The following ADARB2 variants were observed in gnomAD, a reference collection of about 807,000 sequenced individuals.
ADARB2 encodes the protein inactive double-stranded RNA-specific editase B2.
A neutral mutation model predicts 62.2 loss-of-function variants in ADARB2; 25 were observed. The observed-to-expected ratio is 0.40, with a 90% CI of 0.29 to 0.56. The LOEUF is 0.56. Among genes scored for constraint, ADARB2 ranks in the 20% least tolerant of loss-of-function variants. The pLI, the probability that ADARB2 is intolerant of heterozygous loss-of-function variation, is 0.43. For synonymous variants in ADARB2, 572 were observed against 500.8 expected, an observed-to-expected ratio of 1.14 and a Z score of -1.90; for missense variants, 1,071 against 1,077.4, an observed-to-expected ratio of 0.99 and a Z score of 0.08.
chr10:1,654,764 C>T lies in ADARB2; in HGVS notation c.100+82287G>A, dbSNP rs1030970931. On this transcript the variant is annotated intron_variant, in intron 1 of 9. Coordinates refer to ENST00000381312, the MANE Select transcript of ADARB2 (RefSeq NM_018702.4). ...TGGCAGCAATGTCGCCTCTCCCTGA[C>T]GACTCTACCAGGTTGGCCCTGCATG... Among the ~76,000 whole-genome samples the T allele has an allele frequency of 1.1e-4, 17 of 152,362 alleles. No homozygotes were observed. The South Asian group carries it at 1.2e-3, about 11-fold the overall frequency.
intron 1 of ADARB2, among the ~76,000 whole-genome samples, chr10:1,683,884 C>T (rs562002721): frequency 1.3e-5 from 2 of 152,318 alleles, no homozygotes; most frequent in East Asian, 1.9e-4. Context: ...ACTCTGTAAA[C>T]GGAGCCTCCC....
chr10:1,375,888 C>T (rs748838649), intron 2 of ADARB2, among the ~76,000 whole-genome samples: 2 of 151,546 alleles, frequency 1.3e-5, no homozygotes, highest in Non-Finnish European at 2.9e-5. Flanking sequence ...TGAACTCCCA[C>T]ACCACACACG....
At chr10:1,525,713 G>C (rs1287092451) in intron 1 of ADARB2, among the ~76,000 whole-genome samples, 2 of 152,206 alleles carry the variant, frequency 1.3e-5, no homozygotes, top group African/African-American at 4.8e-5. Context: ...GAGGCAGCTG[G>C]CCTGAACATG....
At chr10:1,205,432 C>T (rs982061050) in intron 7 of ADARB2, among the ~76,000 whole-genome samples, 2 of 150,926 alleles carry the variant, frequency 1.3e-5, no homozygotes, top group Non-Finnish European at 3.0e-5. Flanking sequence ...GCCCGTGGCA[C>T]AGCCTGAGGG....
chr10:1,407,643 T>G (rs1186289855), intron 1 of ADARB2, among the ~76,000 whole-genome samples: 1 of 152,190 alleles, frequency 6.6e-6, no homozygotes, highest in South Asian at 2.1e-4. Flanking sequence ...AGCCCAGCAC[T>G]GGCAGAGACG....
chr10:1,423,403 C>A (rs183780171), intron 1 of ADARB2, among the ~76,000 whole-genome samples: 2 of 152,202 alleles, frequency 1.3e-5, no homozygotes, highest in Non-Finnish European at 2.9e-5. Context: ...CCTGAGCACC[C>A]GGCCTTGAGC....
chr10:1,558,898 T>C, intron 1 of ADARB2, among the ~76,000 whole-genome samples: 1 of 152,188 alleles, frequency 6.6e-6, no homozygotes, highest in Non-Finnish European at 1.5e-5. Flanking sequence ...TGTGTTTCTG[T>C]TTTATGCGTG....
chr10:1,724,881 C>T (rs904393198), intron 1 of ADARB2, among the ~76,000 whole-genome samples: 4 of 152,198 alleles, frequency 2.6e-5, no homozygotes, highest in African/African-American at 7.2e-5. Flanking sequence ...GCTCTAACCT[C>T]TCCACGCCAA....
chr10:1,421,570 T>G (rs1198294338), intron 1 of ADARB2, among the ~76,000 whole-genome samples: 1 of 152,166 alleles, frequency 6.6e-6, no homozygotes, highest in Non-Finnish European at 1.5e-5. Flanking sequence ...TCCTGGGCCC[T>G]GGGACTATAG....
chr10:1,658,694 G>C (rs1028514229), intron 1 of ADARB2, among the ~76,000 whole-genome samples: 1 of 152,226 alleles, frequency 6.6e-6, no homozygotes, highest in Non-Finnish European at 1.5e-5. Context: ...TTGGCGATGA[G>C]GTCTAAGGAG....
chr10:1,483,305 A>C (rs945293456), intron 1 of ADARB2, among the ~76,000 whole-genome samples: 1 of 152,302 alleles, frequency 6.6e-6, no homozygotes. Context: ...TTTGTTAGTC[A>C]TTTTTCTGAA....
chr10:1,533,119 C>T, intron 1 of ADARB2, among the ~76,000 whole-genome samples: 1 of 143,848 alleles, frequency 7.0e-6, no homozygotes, highest in South Asian at 2.2e-4. Context: ...TAAACATCAC[C>T]TTTTTTTTTT....
intron 2 of ADARB2, among the ~76,000 whole-genome samples, chr10:1,368,732 G>A (rs60199866): frequency 0.74 from 111,979 of 151,798 alleles, 43,150 homozygotes; most frequent in Non-Finnish European, 0.85. Context: ...TAACAGTGCA[G>A]GTGCCTGAGG....
chr10:1,557,080 T>C (rs1832715421), intron 1 of ADARB2: 1 of 350,976 alleles, frequency 2.8e-6, no homozygotes, highest in Non-Finnish European at 5.6e-6. Context: ...CATCCCACTG[T>C]CCGAGGGTAC....
At chr10:1,598,207 T>C (rs960490852) in intron 1 of ADARB2, among the ~76,000 whole-genome samples, 2 of 147,352 alleles carry the variant, frequency 1.4e-5, no homozygotes, top group East Asian at 4.0e-4. Flanking sequence ...ACCGAGACAT[T>C]CCCTGCTGGG....
In ADARB2 at chr10:1,558,225, GC is replaced by G. The variant is rs1832732385; in HGVS notation, c.100+178825del. ...CCATCTAAATCTTCATCCCACCTCT[GC>G]CCCCCTCCATGGGTGCTCAGACCCC... On this transcript the variant is annotated intron_variant, in intron 1 of 9. Coordinates refer to ENST00000381312, the MANE Select transcript of ADARB2 (RefSeq NM_018702.4). 6.6e-5 allele frequency among the ~76,000 whole-genome samples: 10 copies of G among 151,422 alleles called. No individual in the cohort carries two copies. The South Asian group carries it at 2.1e-3, about 32-fold the overall frequency.
intron 1 of ADARB2, among the ~76,000 whole-genome samples, chr10:1,625,346 G>T (rs926385715): frequency 6.6e-6 from 1 of 152,236 alleles, no homozygotes; most frequent in African/African-American, 2.4e-5. Flanking sequence ...AGTCGACGTG[G>T]GTTGCAATCC....
At chr10:1,401,671 C>T (rs540147233) in intron 1 of ADARB2, among the ~76,000 whole-genome samples, 1 of 152,208 alleles carries the variant, frequency 6.6e-6, no homozygotes, top group South Asian at 2.1e-4. Flanking sequence ...CGAAGAGCGG[C>T]GGCTTCACGG....
chr10:1,311,826 GCT>G (rs748582187), intron 3 of ADARB2, among the ~76,000 whole-genome samples: 121 of 152,290 alleles, frequency 7.9e-4, no homozygotes, highest in Non-Finnish European at 1.6e-3. Context: ...GTTAAATGAA[GCT>G]CTTTCTGGAG....
Sources: gnomAD v4.1 joint callset for allele counts (sites outside exome capture counted in the v4.1 genomes callset) on GRCh38, gnomAD v4.1.1 for gene constraint, MANE v1.5 for transcripts, NCBI Gene and HGNC (gene_info 2026-07-23, HGNC 2026-07-21) for gene names.